The following VTI1A variants were observed in gnomAD, a reference collection of about 807,000 sequenced individuals.
VTI1A encodes the protein vesicle transport through interaction with t-SNAREs 1A, also known as vesicle transport through interaction with t-SNAREs homolog 1A.
VTI1A carries 22 observed loss-of-function variants against 34.9 expected under a neutral mutation model. The ratio of observed to expected loss-of-function variants is 0.63; its 90% CI spans 0.45 to 0.90. The LOEUF (loss-of-function observed/expected upper bound fraction) is 0.90, where lower values mean the gene tolerates loss of function less well. Ranked by LOEUF, VTI1A falls within the 40% of genes least tolerant of loss-of-function variation. VTI1A has a pLI of 0.00. For missense variants in VTI1A, 268 were observed against 275.6 expected (o/e 0.97, Z 0.20); for synonymous variants, 87 against 97.3 (o/e 0.89, Z 0.62).
chr10:112,645,042 T>C (rs1048358952), intron 5 of VTI1A, among the ~76,000 whole-genome samples: 10 of 152,240 alleles, frequency 6.6e-5, no homozygotes, highest in African/African-American at 2.4e-4. Flanking sequence ...AAGTTTTCTA[T>C]CAAGTAGATT....
chr10:112,694,610 A>G (rs772088399), intron 7 of VTI1A, among the ~76,000 whole-genome samples: 5 of 151,902 alleles, frequency 3.3e-5, no homozygotes, highest in Non-Finnish European at 4.4e-5. Flanking sequence ...CCTCCTTTAA[A>G]CAAAGTTTGA....
intron 7 of VTI1A, among the ~76,000 whole-genome samples, chr10:112,769,956 T>C (rs138873605): frequency 0.012 from 1,860 of 152,218 alleles, 31 homozygotes; most frequent in African/African-American, 0.043. Flanking sequence ...ATGGTTGCCA[T>C]AGGGGCATGT....
chr10:112,694,259 T>C (rs1449179923), intron 7 of VTI1A, among the ~76,000 whole-genome samples: 1 of 151,904 alleles, frequency 6.6e-6, no homozygotes, highest in Non-Finnish European at 1.5e-5. Flanking sequence ...CCCATCTCCC[T>C]CTCCACCCCA....
At chr10:112,632,119 T>G (rs1412158002) in intron 5 of VTI1A, among the ~76,000 whole-genome samples, 6 of 152,166 alleles carry the variant, frequency 3.9e-5, no homozygotes, top group Non-Finnish European at 4.4e-5. Context: ...TAGGGGACAT[T>G]TTGAACCTTT....
chr10:112,644,123 C>G (rs937834719), intron 5 of VTI1A, among the ~76,000 whole-genome samples: 1 of 152,182 alleles, frequency 6.6e-6, no homozygotes, highest in African/African-American at 2.4e-5. Context: ...GCAAAGTGCA[C>G]CTGGCAACCC....
chr10:112,834,245 G>T, the VTI1A span, among the ~76,000 whole-genome samples: 2 of 152,112 alleles, frequency 1.3e-5, no homozygotes, highest in African/African-American at 4.8e-5. Flanking sequence ...CCCAGTCTCT[G>T]GTCTGTTCAT....
chr10:112,532,359 G>A (rs557669493), intron 4 of VTI1A, among the ~76,000 whole-genome samples: 1 of 152,290 alleles, frequency 6.6e-6, no homozygotes, highest in South Asian at 2.1e-4. Flanking sequence ...CAGATATTTG[G>A]ATGTTTAAAA....
At chr10:112,449,780 T>A (rs1371968186) in intron 1 of VTI1A, 1 of 152,220 alleles carries the variant, frequency 6.6e-6, no homozygotes, top group Admixed American at 6.5e-5. Flanking sequence ...AAAAAAACTA[T>A]GTCTTTCCTT....
At chr10:112,553,471 A>C (rs1263248264) in intron 5 of VTI1A, among the ~76,000 whole-genome samples, 1 of 152,266 alleles carries the variant, frequency 6.6e-6, no homozygotes, top group East Asian at 1.9e-4. Context: ...ACTAATTTGC[A>C]TAGTAACGCT....
chr10:112,717,260 G>T (rs1464612266), intron 7 of VTI1A, among the ~76,000 whole-genome samples: 4 of 152,178 alleles, frequency 2.6e-5, no homozygotes, highest in Non-Finnish European at 5.9e-5. Flanking sequence ...AATATGATGT[G>T]CCCTTTCTAT....
intron 7 of VTI1A, among the ~76,000 whole-genome samples, chr10:112,800,566 C>T (rs1475063239): frequency 6.6e-6 from 1 of 152,242 alleles, no homozygotes; most frequent in East Asian, 1.9e-4. Context: ...AAGCACTTCA[C>T]ATTGAATTAA....
Position 112,574,136 on chromosome 10 carries a change from A to G in VTI1A, c.427+35806A>G, listed in dbSNP as rs188896430. ...CCTTCTAGATATTTGGATTGCAAAA[A>G]CAAGCAAAGTTTTAAAAATAAAATC... On this transcript the variant is annotated intron_variant, in intron 5 of 7. Coordinates refer to ENST00000393077, the MANE Select transcript of VTI1A (RefSeq NM_145206.4). Among the ~76,000 whole-genome samples the G allele has an allele frequency of 2.0e-5, 3 of 152,324 alleles. No individual in the cohort carries two copies. In the East Asian group the frequency reaches 5.8e-4, roughly 29 times the overall value.
chr10:112,554,616 A>G (rs1220153415), intron 5 of VTI1A, among the ~76,000 whole-genome samples: 2 of 152,294 alleles, frequency 1.3e-5, no homozygotes, highest in East Asian at 3.9e-4. Flanking sequence ...AGTACCCATC[A>G]TGTAATATCA....
At chr10:112,655,037 C>G (rs1204711242) in intron 5 of VTI1A, among the ~76,000 whole-genome samples, 3 of 152,212 alleles carry the variant, frequency 2.0e-5, no homozygotes, top group South Asian at 4.1e-4. Context: ...GATTGCCAAC[C>G]CTTACAGTAA....
intron 7 of VTI1A, among the ~76,000 whole-genome samples, chr10:112,814,219 TG>T (rs1853428418): frequency 6.6e-6 from 1 of 152,184 alleles, no homozygotes; most frequent in Non-Finnish European, 1.5e-5. Flanking sequence ...CTCCTCCCCA[TG>T]GAAGACCCAT....
intron 3 of VTI1A, among the ~76,000 whole-genome samples, chr10:112,485,820 C>T (rs1047703084): frequency 6.6e-6 from 1 of 152,100 alleles, no homozygotes; most frequent in Non-Finnish European, 1.5e-5. Flanking sequence ...AGCCTGTTAC[C>T]ATTACTGTTT....
intron 5 of VTI1A, among the ~76,000 whole-genome samples, chr10:112,548,438 C>T (rs924265663): frequency 6.6e-6 from 1 of 151,914 alleles, no homozygotes; most frequent in African/African-American, 2.4e-5. Flanking sequence ...AAAAGAAAAC[C>T]AAAGTGGTCC....
intron 5 of VTI1A, among the ~76,000 whole-genome samples, chr10:112,562,342 A>G (rs1425295759): frequency 6.6e-6 from 1 of 152,100 alleles, no homozygotes; most frequent in Non-Finnish European, 1.5e-5. Flanking sequence ...CTCTGTGTTT[A>G]CCTTGCAGTT....
intron 3 of VTI1A, among the ~76,000 whole-genome samples, chr10:112,526,168 T>C (rs1850217515): frequency 6.6e-6 from 1 of 152,210 alleles, no homozygotes; most frequent in Non-Finnish European, 1.5e-5. Context: ...GCCCACACTT[T>C]AGCTTCCCAA....
Sources: allele counts gnomAD v4.1 joint callset (sites outside exome capture counted in the v4.1 genomes callset), GRCh38; gene constraint gnomAD v4.1.1; transcripts MANE v1.5; gene names NCBI Gene and HGNC (gene_info 2026-07-23, HGNC 2026-07-21).